The following RIMBP2 variants were observed in gnomAD, a reference collection of about 807,000 sequenced individuals.
RIMBP2 encodes RIMS-binding protein 2.
RIMBP2 carries 48 observed loss-of-function variants against 118.6 expected under a neutral mutation model. The ratio of observed to expected loss-of-function variants is 0.40; its 90% CI spans 0.32 to 0.51. RIMBP2 has a LOEUF of 0.51. Among genes scored for constraint, RIMBP2 ranks in the 20% least tolerant of loss-of-function variants. RIMBP2 has a pLI of 0.41. For synonymous variants in RIMBP2, 762 were observed against 742.9 expected, an observed-to-expected ratio of 1.03 and a Z score of -0.42; for missense variants, 1,551 against 1,768.3, an observed-to-expected ratio of 0.88 and a Z score of 2.20.
At chr12:130,549,970 C>T (rs76744119) in intron 2 of RIMBP2, among the ~76,000 whole-genome samples, 6,220 of 152,268 alleles carry the variant, frequency 0.041, 133 homozygotes, top group Non-Finnish European at 0.047. Context: ...TACACTCCCA[C>T]TGAGAGTGTC....
intron 16 of RIMBP2, among the ~76,000 whole-genome samples, chr12:130,423,043 T>C (rs1340919933): frequency 1.3e-5 from 2 of 152,168 alleles, no homozygotes; most frequent in East Asian, 3.8e-4. Flanking sequence ...GTTTCTACAT[T>C]TTATCAGCTT....
chr12:130,432,824 C>T (rs1030139753), intron 14 of RIMBP2, among the ~76,000 whole-genome samples: 2 of 152,122 alleles, frequency 1.3e-5, no homozygotes, highest in Non-Finnish European at 2.9e-5. Flanking sequence ...GACGGCAGCC[C>T]CAGCAGACGA....
chr12:130,631,486 G>GTGTT (rs2140956406), intron 1 of RIMBP2, among the ~76,000 whole-genome samples: 1 of 152,230 alleles, frequency 6.6e-6, no homozygotes, highest in African/African-American at 2.4e-5. Context: ...GCACTATGGG[G>GTGTT]TGTTTAGCAG....
chr12:130,607,129 C>G (rs2060241343), intron 2 of RIMBP2, among the ~76,000 whole-genome samples: 1 of 152,128 alleles, frequency 6.6e-6, no homozygotes, highest in South Asian at 2.1e-4. Flanking sequence ...CACGGCCGGC[C>G]CAGTTCAAAT....
chr12:130,580,727 G>C (rs547874166), intron 2 of RIMBP2, among the ~76,000 whole-genome samples: 37 of 152,294 alleles, frequency 2.4e-4, no homozygotes, highest in African/African-American at 8.7e-4. Flanking sequence ...ATCACTTGGG[G>C]TCAGAAGTTT....
At chr12:130,607,971 A>G (rs2060286903) in intron 2 of RIMBP2, among the ~76,000 whole-genome samples, 1 of 152,044 alleles carries the variant, frequency 6.6e-6, no homozygotes, top group Non-Finnish European at 1.5e-5. Context: ...TCCCCTGCAA[A>G]AGGACCTGCC....
At chr12:130,421,691 A>ATGTGTGTGTGTG (rs35161782) in intron 17 of RIMBP2, among the ~76,000 whole-genome samples, 7,258 of 147,186 alleles carry the variant, frequency 0.049, 263 homozygotes, top group East Asian at 0.12. Flanking sequence ...CTGCATTTAT[A>ATGTGTGTGTGTG]TGTGTGTGTG....
intron 6 of RIMBP2, among the ~76,000 whole-genome samples, chr12:130,462,986 T>C (rs1272664511): frequency 6.6e-6 from 1 of 152,208 alleles, no homozygotes; most frequent in East Asian, 1.9e-4. Context: ...GTTTGCACCT[T>C]TCCTTTAGGC....
At position 130,431,980 on chromosome 12, in the gene RIMBP2, A is replaced by T. The variant is rs1457782577; in HGVS notation, c.2253+2754T>A. The T allele has an allele frequency of 5.9e-6, 1 of 170,040 alleles. No individual in the cohort carries two copies. Among genetic ancestry groups the T allele is most frequent in the African/African-American group, 2.4e-5 (1 of 41,786 alleles). The allele number at this position is 170,040 out of a possible 1,614,324, so 10.5% of individuals were successfully genotyped here. The stretch of plus-strand genomic sequence containing the variant: ...TATAGAAGTAAAAATTCAGGGCCTC[A>T]GTCACACTCAGCCCCAGGTGGCCAC... On this transcript the variant is annotated intron_variant, in intron 14 of 22. Coordinates refer to ENST00000690449, the MANE Select transcript of RIMBP2 (RefSeq NM_001393629.1). This position sits in a 1 kb window ranked among gnomAD's most constrained non-coding sequence, Gnocchi z 4.0.
intron 4 of RIMBP2, among the ~76,000 whole-genome samples, chr12:130,491,225 T>C (rs2048610805): frequency 1.3e-5 from 2 of 152,188 alleles, no homozygotes; most frequent in Admixed American, 1.3e-4. Flanking sequence ...AAGCAGGTGA[T>C]ATTTTTATTC....
chr12:130,656,328 G>C (rs1307748279), intron 1 of RIMBP2, among the ~76,000 whole-genome samples: 1 of 152,132 alleles, frequency 6.6e-6, no homozygotes, highest in Non-Finnish European at 1.5e-5. Context: ...TGGCAGGCAG[G>C]GGCTAGAATT....
At chr12:130,612,252 C>A (rs908419306) in intron 2 of RIMBP2, among the ~76,000 whole-genome samples, 1 of 152,158 alleles carries the variant, frequency 6.6e-6, no homozygotes, top group African/African-American at 2.4e-5. Context: ...TCACCTTCCA[C>A]GGTGAAAACA....
chr12:130,648,476 T>C (rs2136248906), intron 1 of RIMBP2, among the ~76,000 whole-genome samples: 1 of 145,594 alleles, frequency 6.9e-6, no homozygotes, highest in East Asian at 1.9e-4. Context: ...TCCATCTGTA[T>C]GCGTCTTCTA....
Position 130,575,326 on chromosome 12 carries a change from C to T in RIMBP2, c.-217+52996G>A, listed in dbSNP as rs564538188. 7.4e-4 allele frequency among the ~76,000 whole-genome samples: 112 copies of T among 151,004 alleles called. 1 individual carries two copies. Among genetic ancestry groups the T allele is most frequent in the African/African-American group, 2.6e-3 (105 of 41,030 alleles). On this transcript the variant is annotated intron_variant, in intron 2 of 22. Coordinates refer to ENST00000690449, the MANE Select transcript of RIMBP2 (RefSeq NM_001393629.1). Reference sequence around the variant, plus strand: ...GTTCCCACCAACCCAATGGACATGCCGCAGAGGCAAGAAACACACTTGAGA... The same window carrying T: ...GTTCCCACCAACCCAATGGACATGCTGCAGAGGCAAGAAACACACTTGAGA...
rs77705322 is a variant in RIMBP2 at position 130,620,200 on chromosome 12, C to G, written c.-217+8122G>C. On this transcript the variant is annotated intron_variant, in intron 2 of 22. Transcript: ENST00000690449. The surrounding 1 kb of genome is among the most constrained non-coding windows in gnomAD (Gnocchi z 5.3). ...TCCAGCCAAGGGATGGGCACAAGAC[C>G]GAAGTGGTGGCAGTTAAACAATCAG... is the stretch of plus-strand genomic sequence containing the variant. Among the ~76,000 whole-genome samples the G allele has an allele frequency of 1.3e-5, 2 of 152,074 alleles. No individual in the cohort carries two copies. The highest frequency in any genetic ancestry group is 4.8e-5 in the African/African-American group (2 of 41,384).
intron 2 of RIMBP2, among the ~76,000 whole-genome samples, chr12:130,586,958 C>A (rs2058926957): frequency 1.3e-5 from 1 of 76,208 alleles, no homozygotes; most frequent in East Asian, 5.1e-4. Context: ...CCAGAATCTA[C>A]AATGAACTCA....
chr12:130,509,891 A>G (rs2050741821), intron 3 of RIMBP2, among the ~76,000 whole-genome samples: 1 of 152,264 alleles, frequency 6.6e-6, no homozygotes, highest in Non-Finnish European at 1.5e-5. Flanking sequence ...ATGATGGCTC[A>G]GAGGCTCCCT....
intron 1 of RIMBP2, among the ~76,000 whole-genome samples, chr12:130,660,982 G>C (rs1355563615): frequency 6.6e-6 from 1 of 152,238 alleles, no homozygotes; most frequent in East Asian, 1.9e-4. Context: ...ACTTTGGGAG[G>C]CCAAGGCAGG....
At chr12:130,555,809 G>A (rs966504914) in intron 2 of RIMBP2, among the ~76,000 whole-genome samples, 2 of 152,200 alleles carry the variant, frequency 1.3e-5, no homozygotes, top group South Asian at 2.1e-4. Context: ...GAGATTGTCC[G>A]AGACCTTGAA....
Sources: allele counts gnomAD v4.1 joint callset (sites outside exome capture counted in the v4.1 genomes callset), GRCh38; gene constraint gnomAD v4.1.1; non-coding constraint Gnocchi (gnomAD v3.1); transcripts MANE v1.5; gene names NCBI Gene and HGNC (gene_info 2026-07-23, HGNC 2026-07-21).